Variants in NCF2 observed in about 807,000 individuals in gnomAD.
NCF2 encodes the protein neutrophil cytosolic factor 2.
Under a neutral mutation model 70.9 loss-of-function variants are expected in NCF2, and 45 were observed. The observed-to-expected ratio is 0.63, with a 90% confidence interval of 0.50 to 0.81. The LOEUF (loss-of-function observed/expected upper bound fraction) is 0.81, where lower values mean the gene tolerates loss of function less well. Ranked by LOEUF, NCF2 falls within the 40% of genes least tolerant of loss-of-function variation. The pLI is 0.00. For synonymous variants in NCF2, 203 were observed against 233.6 expected, an observed-to-expected ratio of 0.87 and a Z score of 1.19; for missense variants, 522 against 631.6, an observed-to-expected ratio of 0.83 and a Z score of 1.86.
the NCF2 span, chr1:183,598,176 C>G: frequency 6.6e-6 from 1 of 152,330 alleles, no homozygotes; most frequent in African/African-American, 2.4e-5. Context: ...CCGGTTCCAG[C>G]CTTTCCTGAG....
upstream of NCF2, among the ~76,000 whole-genome samples, chr1:183,594,552 A>G (rs1320345684): frequency 6.6e-6 from 1 of 152,168 alleles, no homozygotes; most frequent in Non-Finnish European, 1.5e-5. Flanking sequence ...GTTCTGACAC[A>G]CACACCACTG....
chr1:183,599,423 C>CTTTCTTTCTTTCTTTCTTTCTCT, the NCF2 span, among the ~76,000 whole-genome samples: 3 of 107,426 alleles, frequency 2.8e-5, no homozygotes, highest in African/African-American at 1.1e-4. Context: ...TCTTTCTTTC[C>CTTTCTTTCTTTCTTTCTTTCTCT]TTCTTTCTTT....
chr1:183,599,423 C>CTTTCTTTCTTTCTTTCTTTCTTTCT, the NCF2 span, among the ~76,000 whole-genome samples: 17 of 107,426 alleles, frequency 1.6e-4, no homozygotes, highest in African/African-American at 5.7e-4. Flanking sequence ...TCTTTCTTTC[C>CTTTCTTTCTTTCTTTCTTTCTTTCT]TTCTTTCTTT....
chr1:183,594,976 C>T (rs1269726428), upstream of NCF2, among the ~76,000 whole-genome samples: 1 of 152,220 alleles, frequency 6.6e-6, no homozygotes, highest in East Asian at 1.9e-4. Context: ...CACTGTCCTT[C>T]AGTCTTTCGC....
chr1:183,570,715 G>C, intron 6 of NCF2, 65 bp downstream of exon 6: 1 of 1,539,042 alleles, frequency 6.5e-7, no homozygotes. Flanking sequence ...ATAGTCTCTC[G>C]AATTGAATGC....
chr1:183,571,005 A>G (rs1672529265), intron 5 of NCF2, among the ~76,000 whole-genome samples, 166 bp from the exon 6 acceptor site: 1 of 152,148 alleles, frequency 6.6e-6, no homozygotes, highest in Non-Finnish European at 1.5e-5. Context: ...GATTTCAGCA[A>G]CTGAAGAAAC....
chr1:183,589,288 G>A (rs35667872), intron 1 of NCF2, among the ~76,000 whole-genome samples: 28,649 of 152,122 alleles, frequency 0.19, 4,558 homozygotes, highest in African/African-American at 0.44. Flanking sequence ...TTATACAGTG[G>A]TGTGAAGTTC....
intron 2 of NCF2, among the ~76,000 whole-genome samples, chr1:183,585,485 C>A (rs1052888653): frequency 6.6e-6 from 1 of 151,920 alleles, no homozygotes; most frequent in Non-Finnish European, 1.5e-5. Context: ...ATTAGCTGGA[C>A]GTAGTGGCGG....
At chr1:183,570,956 A>G in intron 5 of NCF2, 117 bp from the exon 6 acceptor site, 1 of 955,934 alleles carries the variant, frequency 1.0e-6, no homozygotes, top group South Asian at 1.4e-5. Context: ...TCAGACGTGG[A>G]CAGTAACTAA....
At chr1:183,584,775 G>A (rs1044687585) in intron 2 of NCF2, among the ~76,000 whole-genome samples, 3 of 152,142 alleles carry the variant, frequency 2.0e-5, no homozygotes, top group African/African-American at 4.8e-5. Context: ...TGTTAAGAGC[G>A]GGGACAGGCA....
chr1:183,599,445 T>TCTTTCTTTCTTTCTTTCTTTCTTTC, the NCF2 span, among the ~76,000 whole-genome samples: 1 of 107,376 alleles, frequency 9.3e-6, no homozygotes, highest in African/African-American at 3.7e-5. Flanking sequence ...TTTCTTTCTT[T>TCTTTCTTTCTTTCTTTCTTTCTTTC]CTTTCTTTCT....
intron 14 of NCF2, among the ~76,000 whole-genome samples, 196 bp from the exon 15 acceptor site, chr1:183,556,426 G>A (rs796380647): frequency 3.3e-5 from 5 of 152,262 alleles, no homozygotes; most frequent in African/African-American, 1.2e-4. Flanking sequence ...TCTTAAACAT[G>A]ATAATGAGCA....
intron 2 of NCF2, 29 bp from the exon 3 acceptor site, chr1:183,577,736 G>A: frequency 7.0e-7 from 1 of 1,438,720 alleles, no homozygotes; most frequent in South Asian, 1.1e-5. Flanking sequence ...AAATACAGCA[G>A]TCTAGTGGAT....
At position 183,573,205 on chromosome 1, in the gene NCF2, CCTT is replaced by C. The variant is rs773850705; in HGVS notation, c.586_588del (p.Lys196del). On this transcript the variant is annotated inframe_deletion, in exon 5 of 15. Coordinates refer to ENST00000367535, the MANE Select transcript of NCF2 (RefSeq NM_000433.4). ...CCTACCGTCGCCTTGCCTAGGTAAT[CCTT>C]CTTGGCCAGCTGAGCCACTTGTCTC... 9 of 1,614,038 alleles carry C rather than the reference CCTT, an allele frequency of 5.6e-6. No homozygotes were observed. Among genetic ancestry groups the C allele is most frequent in the African/African-American group, 4.0e-5 (3 of 74,920 alleles).
At chr1:183,569,354 T>C in intron 6 of NCF2, 169 bp from the exon 7 acceptor site, 1 of 689,422 alleles carries the variant, frequency 1.5e-6, no homozygotes, top group Non-Finnish European at 2.6e-6. Flanking sequence ...TCACCCTGAC[T>C]AAACACTGGG....
In NCF2 at chr1:183,586,983, G is replaced by A. The variant is rs777308655; in HGVS notation, c.175-6C>T. 3 of 1,613,338 alleles carry A rather than the reference G, an allele frequency of 1.9e-6. No individual in the cohort carries two copies. In the South Asian group the frequency reaches 3.3e-5, roughly 18 times the overall value. ...TTAATGCTTCTGGTAAAGGCCTGAG[G>A]AGAGAAGGGTCCAGACATGGCCATG... On this transcript the variant is annotated splice_region_variant and splice_polypyrimidine_tract_variant and intron_variant, in intron 1 of 14. Transcript: ENST00000367535.
chr1:183,588,474 CAAA>C (rs58562761), intron 1 of NCF2, among the ~76,000 whole-genome samples: 4 of 101,902 alleles, frequency 3.9e-5, no homozygotes, highest in Non-Finnish European at 5.8e-5. Flanking sequence ...GACTCCATCT[CAAA>C]AAAAAAAAAA....
chr1:183,595,694 A>T (rs1216193699), upstream of NCF2, among the ~76,000 whole-genome samples: 1 of 152,222 alleles, frequency 6.6e-6, no homozygotes, highest in East Asian at 1.9e-4. Flanking sequence ...TCTCTGCTTC[A>T]TTAAGTCTCT....
Position 183,570,821 on chromosome 1 carries a change from C to T in NCF2, c.628G>A (p.Asp210Asn). Residue 210 changes from aspartate to asparagine, a missense_variant, in exon 6 of 15, where the codon GAT becomes AAT. By Grantham distance (23) the Asp-to-Asn change is conservative. Transcript: ENST00000367535. ...GCAAACCCAGAGAAACTGTCTTGAT[C>T]CACCACAGATGCCACGACCTAAAAT... is the stretch of plus-strand genomic sequence containing the variant. ...GKATVVASVV[D>N]QDSFSGFAPL... is the part of the protein sequence containing the mutation. 1 of 1,614,202 alleles carries T rather than the reference C, an allele frequency of 6.2e-7. No homozygotes were observed.
Sources: gnomAD v4.1 joint callset for allele counts (sites outside exome capture counted in the v4.1 genomes callset) on GRCh38, gnomAD v4.1.1 for gene constraint, MANE v1.5 for transcripts, NCBI Gene and HGNC (gene_info 2026-07-23, HGNC 2026-07-21) for gene names.